The following ANKRD30BL variants were observed in gnomAD, a reference collection of about 807,000 sequenced individuals.
ANKRD30BL encodes ankyrin repeat domain 30B like, also known as putative ankyrin repeat domain-containing protein 30B-like.
ANKRD30BL carries 20 observed loss-of-function variants against 18.4 expected under a neutral mutation model. That is an observed-to-expected ratio of 1.09 (90% CI 0.77 to 1.58). The LOEUF (loss-of-function observed/expected upper bound fraction) is 1.58. Among genes scored for constraint, ANKRD30BL ranks in the 40% most tolerant of loss-of-function variants. The pLI is 0.00. For synonymous variants in ANKRD30BL, 72 were observed against 100.9 expected (o/e 0.71, Z 1.72); for missense variants, 224 against 268.6 (o/e 0.83, Z 1.16).
intron 1 of ANKRD30BL, among the ~76,000 whole-genome samples, chr2:132,210,086 C>T (rs564817253): frequency 6.6e-6 from 1 of 152,120 alleles, no homozygotes; most frequent in East Asian, 1.9e-4. Context: ...GTGCATTCAA[C>T]TCACAGAGTT....
At chr2:132,231,024 T>C (rs1277774766) in intron 1 of ANKRD30BL, among the ~76,000 whole-genome samples, 1 of 152,112 alleles carries the variant, frequency 6.6e-6, no homozygotes, top group Non-Finnish European at 1.5e-5. Flanking sequence ...CTCAGAAACT[T>C]TTTTGTGCTG....
At chr2:132,200,841 A>C (rs1679082939) in intron 1 of ANKRD30BL, among the ~76,000 whole-genome samples, 2 of 152,218 alleles carry the variant, frequency 1.3e-5, no homozygotes, top group Admixed American at 6.5e-5. Context: ...CGCCAAGTCA[A>C]TCCTAAGCCA....
At chr2:132,236,248 A>G (rs188615548) in intron 1 of ANKRD30BL, among the ~76,000 whole-genome samples, 2 of 151,268 alleles carry the variant, frequency 1.3e-5, no homozygotes, top group Non-Finnish European at 2.9e-5. Flanking sequence ...AGAAGAAAAC[A>G]TAGGCATTAC....
At chr2:132,245,341 G>T (rs1680467131) in intron 1 of ANKRD30BL, among the ~76,000 whole-genome samples, 2 of 150,406 alleles carry the variant, frequency 1.3e-5, no homozygotes, top group Non-Finnish European at 3.0e-5. Context: ...TCCTAGAGTT[G>T]AACATTAGCT....
At chr2:132,221,678 T>C (rs1417052358) in intron 1 of ANKRD30BL, among the ~76,000 whole-genome samples, 19 of 113,450 alleles carry the variant, frequency 1.7e-4, no homozygotes, top group Non-Finnish European at 2.7e-4. Flanking sequence ...AGCCGCCCCG[T>C]CCGGGAGGGA....
chr2:132,231,028 T>A (rs1398304099), intron 1 of ANKRD30BL, among the ~76,000 whole-genome samples: 1 of 152,158 alleles, frequency 6.6e-6, no homozygotes, highest in Admixed American at 6.6e-5. Context: ...GAAACTTTTT[T>A]GTGCTGTGGC....
chr2:132,231,667 G>T (rs775031508), intron 1 of ANKRD30BL, among the ~76,000 whole-genome samples: 2 of 152,256 alleles, frequency 1.3e-5, no homozygotes, highest in East Asian at 1.9e-4. Context: ...ATTATATCCC[G>T]CACCTGGCTC....
intron 1 of ANKRD30BL, among the ~76,000 whole-genome samples, chr2:132,234,903 A>G (rs576711093): frequency 9.2e-5 from 14 of 152,320 alleles, no homozygotes; most frequent in Admixed American, 2.6e-4. Context: ...TTTTAGACCA[A>G]TATCCTTAAT....
intron 1 of ANKRD30BL, among the ~76,000 whole-genome samples, chr2:132,160,720 G>T (rs1460980379): frequency 6.6e-6 from 1 of 151,892 alleles, no homozygotes; most frequent in Non-Finnish European, 1.5e-5. Context: ...GATCCACCGC[G>T]CCTGGCCATG....
chr2:132,238,943 G>A (rs1680237259), intron 1 of ANKRD30BL, among the ~76,000 whole-genome samples: 1 of 152,044 alleles, frequency 6.6e-6, no homozygotes, highest in South Asian at 2.1e-4. Flanking sequence ...GGCCTAAGGT[G>A]AAAAAGGAAA....
chr2:132,242,785 C>T (rs897501556), intron 1 of ANKRD30BL, among the ~76,000 whole-genome samples: 1 of 151,314 alleles, frequency 6.6e-6, no homozygotes, highest in African/African-American at 2.4e-5. Context: ...AGACGTGAAC[C>T]TTTCTTTTGA....
chr2:132,239,514 G>A (rs527614556), intron 1 of ANKRD30BL, among the ~76,000 whole-genome samples: 1 of 152,034 alleles, frequency 6.6e-6, no homozygotes, highest in African/African-American at 2.4e-5. Flanking sequence ...TCTCTGTGAT[G>A]TGTGTACTCA....
chr2:132,188,615 CAGG>C (rs1678767321), intron 1 of ANKRD30BL, among the ~76,000 whole-genome samples: 1 of 152,060 alleles, frequency 6.6e-6, no homozygotes, highest in African/African-American at 2.4e-5. Context: ...GAGGTTGAGG[CAGG>C]AGAATGGCGT....
intron 1 of ANKRD30BL, among the ~76,000 whole-genome samples, chr2:132,183,507 T>C (rs1173256081): frequency 6.6e-6 from 1 of 151,816 alleles, no homozygotes; most frequent in African/African-American, 2.4e-5. Flanking sequence ...CTAAGAGGAG[T>C]GCCAAGTTAC....
intron 1 of ANKRD30BL, among the ~76,000 whole-genome samples, chr2:132,209,320 C>T (rs1192415890): frequency 1.3e-5 from 2 of 151,360 alleles, no homozygotes; most frequent in African/African-American, 2.4e-5. Context: ...GGCTTTGGGA[C>T]CTCTAGAGGA....
intron 1 of ANKRD30BL, among the ~76,000 whole-genome samples, chr2:132,219,159 A>G (rs950306608): frequency 9.9e-5 from 15 of 152,074 alleles, no homozygotes; most frequent in Non-Finnish European, 2.2e-4. Context: ...TAAAAACTAG[A>G]CAGAAGCATT....
chr2:132,158,097 C>T (rs920778123), intron 1 of ANKRD30BL, among the ~76,000 whole-genome samples: 1 of 152,150 alleles, frequency 6.6e-6, no homozygotes, highest in Non-Finnish European at 1.5e-5. Flanking sequence ...TCACACAATT[C>T]ACCGTGCCTT....
intron 1 of ANKRD30BL, among the ~76,000 whole-genome samples, chr2:132,224,992 CTAGACAGAAGCATTCT>C (rs1398124333): frequency 6.6e-6 from 1 of 151,916 alleles, no homozygotes; most frequent in African/African-American, 2.4e-5. Context: ...CACATAAAAA[CTAGACAGAAGCATTCT>C]TAGAAACTTC....
intron 1 of ANKRD30BL, among the ~76,000 whole-genome samples, chr2:132,248,486 T>G (rs375385517): frequency 5.3e-4 from 81 of 151,808 alleles, no homozygotes; most frequent in African/African-American, 1.8e-3. Flanking sequence ...AAAATATCCC[T>G]TTGCAGATTC....
Sources: gnomAD v4.1 joint callset for allele counts (sites outside exome capture counted in the v4.1 genomes callset) on GRCh38, gnomAD v4.1.1 for gene constraint, MANE v1.5 for transcripts, NCBI Gene and HGNC (gene_info 2026-07-23, HGNC 2026-07-21) for gene names.